The following RDX variants were observed in gnomAD, a reference collection of about 807,000 sequenced individuals.
RDX encodes radixin.
RDX carries 32 observed loss-of-function variants against 83.7 expected under a neutral mutation model. The observed-to-expected ratio is 0.38, with a 90% CI of 0.29 to 0.51. RDX has a LOEUF of 0.51. Among genes scored for constraint, RDX ranks in the 20% least tolerant of loss-of-function variants. The probability of loss-of-function intolerance (pLI) is 0.87; values close to 1 mark genes in which losing one functional copy is unlikely to be tolerated. For synonymous variants in RDX, 229 were observed against 222.7 expected (o/e 1.03, Z -0.25); for missense variants, 600 against 689.9 (o/e 0.87, Z 1.46).
intron 1 of RDX, among the ~76,000 whole-genome samples, chr11:110,294,190 T>G (rs1313562185): frequency 1.3e-5 from 2 of 152,102 alleles, no homozygotes; most frequent in Admixed American, 1.3e-4. Context: ...GGTCCAGGAG[T>G]TCCAGACCAG....
chr11:110,192,100 C>T (rs1183891024), intron 15 of RDX, among the ~76,000 whole-genome samples: 1 of 152,106 alleles, frequency 6.6e-6, no homozygotes, highest in Non-Finnish European at 1.5e-5. Flanking sequence ...GCAAAAAGAA[C>T]AAAACCAGAG....
intron 15 of RDX, among the ~76,000 whole-genome samples, chr11:110,177,105 G>A (rs1041816477): frequency 6.6e-6 from 1 of 152,238 alleles, no homozygotes; most frequent in African/African-American, 2.4e-5. Flanking sequence ...CTGTCAAGCT[G>A]TAAAGCAAAA....
intron 15 of RDX, among the ~76,000 whole-genome samples, chr11:110,190,754 G>A (rs953853458): frequency 6.6e-6 from 1 of 152,090 alleles, no homozygotes; most frequent in Admixed American, 6.5e-5. Context: ...AATGAGAAAG[G>A]TGACATTACA....
intron 14 of RDX, chr11:110,200,383 A>G (rs1863359338): frequency 6.6e-6 from 1 of 152,318 alleles, no homozygotes; most frequent in Non-Finnish European, 1.5e-5. Flanking sequence ...TCTCCGATAT[A>G]TCCCTTAGAG....
At chr11:110,211,822 C>T (rs984044992) in intron 14 of RDX, among the ~76,000 whole-genome samples, 129 of 151,950 alleles carry the variant, frequency 8.5e-4, no homozygotes, top group African/African-American at 2.0e-3. Context: ...ATCTGTGAGA[C>T]GCATTCAAAG....
At chr11:110,241,052 T>G in intron 10 of RDX, among the ~76,000 whole-genome samples, 1 of 81,750 alleles carries the variant, frequency 1.2e-5, no homozygotes, top group Non-Finnish European at 2.2e-5. Context: ...TGAGACTCTG[T>G]CTCCAAAAAA....
intron 15 of RDX, among the ~76,000 whole-genome samples, chr11:110,189,265 A>AAAAAAAAAAAAAAAAAAAAC: frequency 6.8e-6 from 1 of 147,644 alleles, no homozygotes; most frequent in Non-Finnish European, 1.5e-5. Flanking sequence ...AAAAAAAAAA[A>AAAAAAAAAAAAAAAAAAAAC]AAAGACAAGG....
At chr11:110,295,219 TG>T (rs1304017568) in intron 1 of RDX, among the ~76,000 whole-genome samples, 3 of 150,748 alleles carry the variant, frequency 2.0e-5, no homozygotes, top group Admixed American at 6.7e-5. Flanking sequence ...TTTTGGCAAA[TG>T]GATCAAGCCA....
intron 1 of RDX, among the ~76,000 whole-genome samples, chr11:110,292,383 T>A (rs1861280611): frequency 6.6e-6 from 1 of 151,900 alleles, no homozygotes; most frequent in Non-Finnish European, 1.5e-5. Context: ...ACTTAAAGGA[T>A]CACTTGAGCC....
chr11:110,268,133 C>T (rs966806496), intron 3 of RDX, among the ~76,000 whole-genome samples: 1 of 151,940 alleles, frequency 6.6e-6, no homozygotes, highest in Non-Finnish European at 1.5e-5. Flanking sequence ...CATGGTGACA[C>T]TCTGTCTCTA....
intron 15 of RDX, among the ~76,000 whole-genome samples, chr11:110,198,226 A>T (rs1017904177): frequency 6.6e-6 from 1 of 152,120 alleles, no homozygotes; most frequent in Admixed American, 6.6e-5. Flanking sequence ...AAGATTTACA[A>T]CATAAACAAC....
intron 14 of RDX, among the ~76,000 whole-genome samples, chr11:110,201,879 A>C (rs1397143710): frequency 1.3e-5 from 2 of 150,968 alleles, no homozygotes; most frequent in African/African-American, 4.9e-5. Flanking sequence ...GATTACAGAC[A>C]CATGCCACCA....
At chr11:110,176,937 C>T (rs1005779852) in intron 15 of RDX, among the ~76,000 whole-genome samples, 1 of 152,218 alleles carries the variant, frequency 6.6e-6, no homozygotes, top group African/African-American at 2.4e-5. Flanking sequence ...CAACATCGCA[C>T]AGTCGGCTGG....
chr11:110,222,503 A>G (rs1864283188), intron 14 of RDX, among the ~76,000 whole-genome samples: 2 of 152,186 alleles, frequency 1.3e-5, no homozygotes, highest in African/African-American at 4.8e-5. Flanking sequence ...AATGCATATA[A>G]ATTACTAAAT....
intron 14 of RDX, among the ~76,000 whole-genome samples, chr11:110,201,112 G>A (rs1314048301): frequency 2.0e-5 from 3 of 149,534 alleles, no homozygotes; most frequent in African/African-American, 5.0e-5. Flanking sequence ...GGAGTTGGAG[G>A]TTACGGTGAG....
At chr11:110,221,884 C>T (rs185084804) in intron 14 of RDX, among the ~76,000 whole-genome samples, 12 of 152,200 alleles carry the variant, frequency 7.9e-5, no homozygotes, top group African/African-American at 2.9e-4. Flanking sequence ...CTCAACTCCC[C>T]GATTAACCAC....
chr11:110,270,859 C>T (rs573157143), intron 3 of RDX, among the ~76,000 whole-genome samples: 1 of 152,302 alleles, frequency 6.6e-6, no homozygotes, highest in South Asian at 2.1e-4. Context: ...TTGGCTGCCA[C>T]AAACATCTCA....
intron 1 of RDX, among the ~76,000 whole-genome samples, chr11:110,280,533 G>T (rs139112441): frequency 6.6e-6 from 1 of 152,234 alleles, no homozygotes; most frequent in Non-Finnish European, 1.5e-5. Flanking sequence ...ACAGGCATGC[G>T]CCACTGCGCC....
At chr11:110,293,716 A>G (rs1174993314) in intron 1 of RDX, among the ~76,000 whole-genome samples, 2 of 152,174 alleles carry the variant, frequency 1.3e-5, no homozygotes, top group Non-Finnish European at 2.9e-5. Context: ...GGTCTGCAGG[A>G]AGGTTCCTGC....
Sources: gnomAD v4.1 joint callset for allele counts (sites outside exome capture counted in the v4.1 genomes callset) on GRCh38, gnomAD v4.1.1 for gene constraint, MANE v1.5 for transcripts, NCBI Gene and HGNC (gene_info 2026-07-23, HGNC 2026-07-21) for gene names.